The following RBFOX1 variants were observed in gnomAD, a reference collection of about 807,000 sequenced individuals.
The protein encoded by RBFOX1 is RNA binding fox-1 homolog 1, also known as RNA binding protein fox-1 homolog 1.
Under a neutral mutation model 57.7 loss-of-function variants are expected in RBFOX1, and 8 were observed. The ratio of observed to expected loss-of-function variants is 0.14; its 90% CI spans 0.08 to 0.25. The LOEUF is 0.25. Ranked by LOEUF, RBFOX1 falls within the 10% of genes least tolerant of loss-of-function variation. RBFOX1 has a pLI of 1.00. For synonymous variants in RBFOX1, 326 were observed against 222.4 expected (o/e 1.47, Z -4.15); for missense variants, 611 against 548.5 (o/e 1.11, Z -1.14).
intron 1 of RBFOX1, among the ~76,000 whole-genome samples, chr16:5,454,281 A>G (rs1178901134): frequency 6.6e-6 from 1 of 152,204 alleles, no homozygotes; most frequent in Non-Finnish European, 1.5e-5. Flanking sequence ...CCAGTGTTGC[A>G]TTGCTGTGTA....
chr16:7,424,776 A>G (rs2098593819), intron 4 of RBFOX1, among the ~76,000 whole-genome samples: 1 of 152,298 alleles, frequency 6.6e-6, no homozygotes, highest in African/African-American at 2.4e-5. Context: ...AAACAAACAA[A>G]CAGTGCCAGC....
chr16:5,864,508 G>A (rs1043196187), intron 3 of RBFOX1, among the ~76,000 whole-genome samples: 2 of 149,018 alleles, frequency 1.3e-5, no homozygotes, highest in Admixed American at 6.7e-5. Flanking sequence ...TCTATTGTGT[G>A]TGTGGTGAGG....
chr16:7,275,338 C>T (rs1227315430), intron 4 of RBFOX1, among the ~76,000 whole-genome samples: 3 of 152,184 alleles, frequency 2.0e-5, no homozygotes, highest in Admixed American at 6.5e-5. Flanking sequence ...ATAGGTTACC[C>T]TCTGCTTAAC....
At chr16:7,611,837 T>A (rs1238841869) in intron 10 of RBFOX1, among the ~76,000 whole-genome samples, 1 of 152,176 alleles carries the variant, frequency 6.6e-6, no homozygotes, top group African/African-American at 2.4e-5. Context: ...CAAGTCATAC[T>A]TATAAAAATC....
At chr16:5,422,383 A>G (rs1487270412) in intron 1 of RBFOX1, among the ~76,000 whole-genome samples, 2 of 68,716 alleles carry the variant, frequency 2.9e-5, no homozygotes, top group African/African-American at 5.0e-5. Flanking sequence ...CAGAGAAGAG[A>G]AATGAGGAGG....
chr16:6,146,886 C>G (rs1422207312), intron 1 of RBFOX1, among the ~76,000 whole-genome samples: 4 of 152,122 alleles, frequency 2.6e-5, no homozygotes, highest in African/African-American at 4.8e-5. Context: ...ATCTGAGAGG[C>G]ATCAAGAAAT....
chr16:7,644,295 C>T (rs932584176), intron 11 of RBFOX1, among the ~76,000 whole-genome samples: 3 of 152,146 alleles, frequency 2.0e-5, no homozygotes, highest in African/African-American at 4.8e-5. Context: ...GGTTAATCTC[C>T]GGGTCTGGCA....
At chr16:6,126,922 G>A (rs1355595341) in intron 1 of RBFOX1, among the ~76,000 whole-genome samples, 2 of 152,130 alleles carry the variant, frequency 1.3e-5, no homozygotes, top group African/African-American at 4.8e-5. Flanking sequence ...TATGCCTTAT[G>A]CCAGGTACTA....
At chr16:6,265,174 C>G (rs8047922) in intron 1 of RBFOX1, among the ~76,000 whole-genome samples, 15,359 of 152,196 alleles carry the variant, frequency 0.1, 1,665 homozygotes, top group African/African-American at 0.26. Context: ...GAACATTATG[C>G]TCTTCGCACA....
intron 5 of RBFOX1, among the ~76,000 whole-genome samples, chr16:7,569,035 C>A (rs904065598): frequency 2.6e-5 from 4 of 152,018 alleles, no homozygotes; most frequent in Admixed American, 2.0e-4. Flanking sequence ...CTAGGGAAGA[C>A]TTTCTTTCTC....
intron 1 of RBFOX1, among the ~76,000 whole-genome samples, chr16:5,437,462 A>G (rs1486783398): frequency 6.6e-6 from 1 of 152,236 alleles, no homozygotes; most frequent in Non-Finnish European, 1.5e-5. Flanking sequence ...CATGAAGAAC[A>G]AAAGTGTACT....
intron 3 of RBFOX1, among the ~76,000 whole-genome samples, chr16:6,867,136 C>T (rs1036995432): frequency 5.3e-5 from 8 of 152,008 alleles, no homozygotes; most frequent in Non-Finnish European, 1.2e-4. Flanking sequence ...CAGGTTTTAG[C>T]TTGGAGATGT....
At position 7,285,624 on chromosome 16, in the gene RBFOX1, C is replaced by T. The variant is rs533259304; in HGVS notation, c.28-232523C>T. Among the ~76,000 whole-genome samples the T allele has an allele frequency of 2.0e-5, 3 of 151,892 alleles. No homozygotes were observed. In the South Asian group the frequency reaches 6.2e-4, roughly 32 times the overall value. The stretch of plus-strand genomic sequence containing the variant: ...AGCTTGGACATTTCAAGAAATGGAC[C>T]CATATAGTACCTGACTTTTAGGCAT... On this transcript the variant is annotated intron_variant, in intron 4 of 15. Coordinates refer to ENST00000550418, the MANE Select transcript of RBFOX1 (RefSeq NM_018723.4).
chr16:7,336,888 T>G (rs576097154), intron 4 of RBFOX1, among the ~76,000 whole-genome samples: 1 of 152,314 alleles, frequency 6.6e-6, no homozygotes, highest in African/African-American at 2.4e-5. Context: ...ATTTATAGAC[T>G]TTCTTTATCC....
chr16:7,552,821 TAC>T (rs1465804739), intron 5 of RBFOX1, among the ~76,000 whole-genome samples: 1 of 152,094 alleles, frequency 6.6e-6, no homozygotes, highest in Non-Finnish European at 1.5e-5. Context: ...TAGCTGGGAT[TAC>T]AGTTTCCTGC....
chr16:5,611,705 C>CTAT (rs2047796293), intron 3 of RBFOX1, among the ~76,000 whole-genome samples: 1 of 100,128 alleles, frequency 1.0e-5, no homozygotes, highest in Non-Finnish European at 1.9e-5. Flanking sequence ...CACCCACTCT[C>CTAT]CCATCCATCC....
At chr16:7,269,241 C>G (rs2095257749) in intron 4 of RBFOX1, among the ~76,000 whole-genome samples, 1 of 151,998 alleles carries the variant, frequency 6.6e-6, no homozygotes, top group African/African-American at 2.4e-5. Flanking sequence ...CTCAGTGCTT[C>G]CTGCTAGACA....
intron 1 of RBFOX1, among the ~76,000 whole-genome samples, chr16:5,243,306 GAGTCACTGA>G (rs918873908): frequency 1.3e-4 from 20 of 152,262 alleles, no homozygotes; most frequent in Non-Finnish European, 2.2e-4. Flanking sequence ...TAACTCACTG[GAGTCACTGA>G]AATCCCTGAT....
intron 4 of RBFOX1, among the ~76,000 whole-genome samples, chr16:7,187,949 A>G (rs987823794): frequency 1.3e-5 from 2 of 152,208 alleles, no homozygotes; most frequent in African/African-American, 2.4e-5. Flanking sequence ...CAGCACTTTA[A>G]GAATCAACTC....
Sources: allele counts gnomAD v4.1 joint callset (sites outside exome capture counted in the v4.1 genomes callset), GRCh38; gene constraint gnomAD v4.1.1; transcripts MANE v1.5; gene names NCBI Gene and HGNC (gene_info 2026-07-23, HGNC 2026-07-21).